EIF3G: variants seen among roughly 807,000 people sequenced by gnomAD.
EIF3G encodes the protein eukaryotic translation initiation factor 3 RNA-binding subunit.
Under a neutral mutation model 41.7 loss-of-function variants are expected in EIF3G, and 10 were observed. That is an observed-to-expected ratio of 0.24 (90% CI 0.15 to 0.41). The LOEUF is 0.41. EIF3G is among the 10% of genes least tolerant of loss of function. The probability of loss-of-function intolerance (pLI) is 1.00; values close to 1 mark genes in which losing one functional copy is unlikely to be tolerated. For missense variants in EIF3G, 297 were observed against 444.0 expected, an observed-to-expected ratio of 0.67 and a Z score of 2.98; for synonymous variants, 204 against 172.5, an observed-to-expected ratio of 1.18 and a Z score of -1.43.
Position 10,117,125 on chromosome 19 carries a change from CAGT to C in EIF3G, c.361_363del (p.Thr121del), listed in dbSNP as rs746905307. Reference sequence around the variant, plus strand: ...AACGTCATAGAGACATCGTCACTGACAGTGGTGGTGGCCACATTGGGTCCGGGG... The same window carrying C: ...AACGTCATAGAGACATCGTCACTGACGGTGGTGGCCACATTGGGTCCGGGG... On this transcript the variant is annotated inframe_deletion, in exon 6 of 11. Transcript: ENST00000253108. 23 of 1,613,710 alleles carry C rather than the reference CAGT, an allele frequency of 1.4e-5. No individual in the cohort carries two copies. Among genetic ancestry groups the C allele is most frequent in the African/African-American group, 2.7e-5 (2 of 74,958 alleles).
In EIF3G at chr19:10,119,072, G is replaced by A. The variant is rs201403238; in HGVS notation, c.151+16C>T. On this transcript the variant is annotated intron_variant, in intron 3 of 10. Transcript: ENST00000253108. Reference sequence around the variant, plus strand: ...GAGTGGCAGTCCTCACTCACCTCCCGGCAGTCCTCACTCACCTCCCGGCAG... The same window carrying A: ...GAGTGGCAGTCCTCACTCACCTCCCAGCAGTCCTCACTCACCTCCCGGCAG... The A allele has an allele frequency of 2.5e-5, 38 of 1,491,576 alleles. No homozygotes were observed. Among genetic ancestry groups the A allele is most frequent in the Admixed American group, 2.0e-4 (9 of 45,214 alleles). The allele number at this position is 1,491,576 out of a possible 1,614,324, so 92.4% of individuals were successfully genotyped here.
rs1211235795 is a variant in EIF3G at position 10,115,945 on chromosome 19, C to T, written c.703+22G>A. 7.5e-6 allele frequency: 12 copies of T among 1,608,866 alleles called. No homozygotes were observed. The East Asian group carries it at 2.5e-4, about 33-fold the overall frequency. On this transcript the variant is annotated intron_variant, in intron 8 of 10. Transcript: ENST00000253108. Reference sequence around the variant, plus strand: ...TGCCGGGAGGTGCCCACCCACCAGCCTGGCGTCGGGGTGCCCCTCACCTCT... The same window carrying T: ...TGCCGGGAGGTGCCCACCCACCAGCTTGGCGTCGGGGTGCCCCTCACCTCT...
rs1399822215 is a variant in EIF3G at position 10,116,386 on chromosome 19, C to T, written c.596-312G>A. On this transcript the variant is annotated intron_variant, in intron 7 of 10. Coordinates refer to ENST00000253108, the MANE Select transcript of EIF3G (RefSeq NM_003755.5). This position sits in a 1 kb window ranked among gnomAD's most constrained non-coding sequence, Gnocchi z 4.1. ...GACATGGGACACACAACAGGAACAG[C>T]GCCCAGGTCCCCCTCGCGTGGCAGG... 1 of 516,086 alleles carries T rather than the reference C, an allele frequency of 1.9e-6. No homozygotes were observed. Among genetic ancestry groups the T allele is most frequent in the Non-Finnish European group, 3.5e-6 (1 of 287,152 alleles). 32.0% of individuals were successfully genotyped at this position (516,086 alleles called of 1,614,324 possible). A position where few individuals can be genotyped will look rare whatever the true frequency, so the allele number is the denominator to read the frequency against.
intron 2 of EIF3G, 51 bp from the exon 3 acceptor site, chr19:10,119,222 C>A: frequency 6.5e-7 from 1 of 1,529,670 alleles, no homozygotes; most frequent in Non-Finnish European, 8.9e-7. Context: ...GCAGGAGCTC[C>A]CCAGCTGCGA....
rs141171264 is a variant in EIF3G, at chr19:10,117,150, G to C, written c.339C>G (p.Pro113=). The C allele has an allele frequency of 2.1e-5, 34 of 1,611,502 alleles. No homozygotes were observed. In the East Asian group the frequency reaches 3.1e-4, roughly 15 times the overall value. The change falls in exon 6 of 11, where the codon CCC becomes CCG. Residue 113 remains proline (P), a synonymous_variant. Transcript: ENST00000253108. ...KKFGNSEFDP[P]GPNVATTTVS... Reference sequence around the variant, plus strand: ...CAGTGGTGGTGGCCACATTGGGTCCGGGGGGGTCAAACTCTGAGTTCCCGA... The same window carrying C: ...CAGTGGTGGTGGCCACATTGGGTCCCGGGGGGTCAAACTCTGAGTTCCCGA...
intron 10 of EIF3G, 154 bp downstream of exon 10, chr19:10,115,325 C>T: frequency 8.8e-7 from 1 of 1,130,258 alleles, no homozygotes; most frequent in South Asian, 1.6e-5. Context: ...TGCCACCCCT[C>T]TGCCCGGTTT....
intron 8 of EIF3G, 71 bp from the exon 9 acceptor site, chr19:10,115,891 G>A (rs1043391593): frequency 6.2e-6 from 10 of 1,600,708 alleles, no homozygotes; most frequent in African/African-American, 2.7e-5. Flanking sequence ...CCCAGCCCTC[G>A]TGTGCACGCT....
Position 10,119,462 on chromosome 19 carries a change from C to A in EIF3G, c.67+192G>T, listed in dbSNP as rs2089287672. 5.2e-6 allele frequency: 4 copies of A among 771,924 alleles called. No individual in the cohort carries two copies. In the South Asian group the frequency reaches 5.9e-5, roughly 11 times the overall value. 47.8% of individuals were successfully genotyped at this position (771,924 alleles called of 1,614,324 possible). ...TCCCTGGAGGGGAACAGCTGGGAGGCAGTGGCATGGGAGGAAGAGGGACCC... is the reference window on the plus strand; with the variant it reads ...TCCCTGGAGGGGAACAGCTGGGAGGAAGTGGCATGGGAGGAAGAGGGACCC... On this transcript the variant is annotated intron_variant, in intron 2 of 10. Coordinates refer to ENST00000253108, the MANE Select transcript of EIF3G (RefSeq NM_003755.5).
At chr19:10,119,293 G>C in intron 2 of EIF3G, 122 bp from the exon 3 acceptor site, 2 of 1,125,888 alleles carry the variant, frequency 1.8e-6, no homozygotes, top group Non-Finnish European at 2.6e-6. Flanking sequence ...CAAGGGCAGA[G>C]GGCTGGCCAG....
chr19:10,115,014 TAGAG>T lies in EIF3G; in HGVS notation c.*96_*99del, dbSNP rs150000415. The T allele has an allele frequency of 4.7e-4, 733 of 1,555,670 alleles. 6 individuals carry two copies. The African/African-American group carries it at 8.6e-3, about 18-fold the overall frequency. Reference sequence around the variant, plus strand: ...AGACGCAAGAACAAAAAGAACCAAGTAGAGAGAGTGGAGCTGCTTTATTGCCCTT... The same window carrying T: ...AGACGCAAGAACAAAAAGAACCAAGTAGAGTGGAGCTGCTTTATTGCCCTT... On this transcript the variant is annotated 3_prime_UTR_variant, in exon 11 of 11. Transcript: ENST00000253108.
intron 9 of EIF3G, 36 bp downstream of exon 9, chr19:10,115,648 C>G (rs201796922): frequency 1.0e-4 from 166 of 1,605,706 alleles, no homozygotes; most frequent in Non-Finnish European, 1.4e-4. Context: ...ACAAGTGACC[C>G]TCACACAGCC....
chr19:10,115,713 C>A lies in EIF3G; in HGVS notation c.811G>T (p.Ala271Ser). 1 of 1,614,188 alleles carries A rather than the reference C, an allele frequency of 6.2e-7. No homozygotes were observed. The change falls in exon 9 of 11, where the codon GCT becomes TCT. Residue 271 changes from alanine to serine, a missense_variant. Transcript: ENST00000253108. ...PFGSISRIYL[A>S]KDKTTGQSKG... is the part of the protein sequence containing the mutation. The stretch of plus-strand genomic sequence containing the variant: ...GATTGGCCAGTGGTCTTGTCCTTAG[C>A]CAGGTAGATGCGGGAGATGGAGCCG...
chr19:10,118,610 G>A, intron 5 of EIF3G, 58 bp downstream of exon 5: 1 of 1,498,234 alleles, frequency 6.7e-7, no homozygotes, highest in Non-Finnish European at 9.3e-7. Flanking sequence ...TAAACACAAA[G>A]TCCGGGAGCA....
Position 10,116,712 on chromosome 19 carries a change from C to G in EIF3G, c.595+88G>C. The G allele has an allele frequency of 7.3e-7, 1 of 1,365,780 alleles. No homozygotes were observed. The highest frequency in any genetic ancestry group is 9.9e-7 in the Non-Finnish European group (1 of 1,010,624). 84.6% of individuals were successfully genotyped at this position (1,365,780 alleles called of 1,614,324 possible). ...GGAGAGTCTGGCACCATCAAACCCG[C>G]TGCACTGTCGTGCGGGAGATGACAG... On this transcript the variant is annotated intron_variant, in intron 7 of 10. Transcript: ENST00000253108. This position sits in a 1 kb window ranked among gnomAD's most constrained non-coding sequence, Gnocchi z 4.1.
intron 5 of EIF3G, 44 bp from the exon 6 acceptor site, chr19:10,117,232 G>C: frequency 1.3e-6 from 2 of 1,492,368 alleles, no homozygotes; most frequent in Non-Finnish European, 1.8e-6. Context: ...GCAGGGGCAG[G>C]CTGGGTTCCA....
intron 8 of EIF3G, 34 bp downstream of exon 8, chr19:10,115,933 C>A (rs1341836883): frequency 6.2e-7 from 1 of 1,607,874 alleles, no homozygotes; most frequent in South Asian, 1.1e-5. Flanking sequence ...CGGGAGGTGC[C>A]CACCCACCAG....
At chr19:10,119,058 C>T (rs1185181236) in intron 3 of EIF3G, 30 bp downstream of exon 3, 1 of 528,676 alleles carries the variant, frequency 1.9e-6, no homozygotes. Flanking sequence ...AGTGGCAGTC[C>T]TCACTCACCT....
chr19:10,118,511 G>A, intron 5 of EIF3G, 157 bp downstream of exon 5: 3 of 769,852 alleles, frequency 3.9e-6, no homozygotes, highest in Non-Finnish European at 6.3e-6. Context: ...GTTGCAGTGA[G>A]TCGAGATCGT....
rs1198855120 is a variant in EIF3G at position 10,116,039 on chromosome 19, C to G, written c.631G>C (p.Gly211Arg). 1 of 1,613,858 alleles carries G rather than the reference C, an allele frequency of 6.2e-7. No homozygotes were observed. Among genetic ancestry groups the G allele is most frequent in the Non-Finnish European group, 8.5e-7 (1 of 1,179,932 alleles). Residue 211 changes from glycine (G) to arginine (R), a missense_variant, in exon 8 of 11, where the codon GGG (glycine) becomes CGG (arginine). By Grantham distance (125) the Gly-to-Arg change is moderately radical. Coordinates refer to ENST00000253108, the MANE Select transcript of EIF3G (RefSeq NM_003755.5). The surrounding 1 kb of genome is among the most constrained non-coding windows in gnomAD (Gnocchi z 4.1). Reference sequence around the variant, plus strand: ...CGCAGGCTCGGCGGCACATACTTCCCTGTCTTGTTCTGCGTGGCCTGCACC... The same window carrying G: ...CGCAGGCTCGGCGGCACATACTTCCGTGTCTTGTTCTGCGTGGCCTGCACC... ...EPVQATQNKT[G>R]KYVPPSLRDG...
Sources: allele counts gnomAD v4.1 joint callset, GRCh38; gene constraint gnomAD v4.1.1; non-coding constraint Gnocchi (gnomAD v3.1); transcripts MANE v1.5; gene names NCBI Gene and HGNC (gene_info 2026-07-23, HGNC 2026-07-21).